SNAPC1: variants seen among roughly 807,000 people sequenced by gnomAD.
SNAPC1 encodes snRNA-activating protein complex subunit 1.
A neutral mutation model predicts 50.1 loss-of-function variants in SNAPC1; 42 were observed. That is an observed-to-expected ratio of 0.84 (90% CI 0.65 to 1.08). SNAPC1 has a LOEUF of 1.08. Ranked by LOEUF, SNAPC1 falls within the 50% of genes least tolerant of loss-of-function variation. The pLI, the probability that SNAPC1 is intolerant of heterozygous loss-of-function variation, is 0.00. For synonymous variants in SNAPC1, 164 were observed against 144.2 expected (o/e 1.14, Z -0.98); for missense variants, 477 against 427.3 (o/e 1.12, Z -1.02).
chr14:61,774,650 T>TTC (rs1177675845), intron 4 of SNAPC1, among the ~76,000 whole-genome samples: 4 of 86,462 alleles, frequency 4.6e-5, no homozygotes, highest in African/African-American at 2.1e-4. Flanking sequence ...AGTTTCTCAT[T>TTC]TTTTTTTTTT....
intron 7 of SNAPC1, 60 bp from the exon 8 acceptor site, chr14:61,782,187 C>A: frequency 7.9e-7 from 1 of 1,262,116 alleles, no homozygotes; most frequent in Non-Finnish European, 1.1e-6. Context: ...GTCTTCCTCT[C>A]AATTTTATCA....
intron 8 of SNAPC1, among the ~76,000 whole-genome samples, chr14:61,782,847 A>G (rs2045086398): frequency 6.6e-6 from 1 of 152,038 alleles, no homozygotes; most frequent in South Asian, 2.1e-4. Flanking sequence ...CAGAGGTTGC[A>G]GTGAGCTGAG....
rs563992113 is a variant in SNAPC1 at position 61,780,227 on chromosome 14, G to A, written c.825+1317G>A. ...GGAGCCTACAGAGAGAATCAGCCAC[G>A]AGGCTCACCATTCCTTATGCAGGTT... On this transcript the variant is annotated intron_variant, in intron 7 of 9. Coordinates refer to ENST00000216294, the MANE Select transcript of SNAPC1 (RefSeq NM_003082.4). Among the ~76,000 whole-genome samples, 7 of 152,252 alleles carry A rather than the reference G, an allele frequency of 4.6e-5. No individual in the cohort carries two copies. The East Asian group carries it at 7.7e-4, about 17-fold the overall frequency.
chr14:61,773,695 C>CTTT (rs58541226), intron 4 of SNAPC1, among the ~76,000 whole-genome samples: 1 of 136,446 alleles, frequency 7.3e-6, no homozygotes, highest in Non-Finnish European at 1.6e-5. Flanking sequence ...CATGCCTGGC[C>CTTT]TTTTTTTTTT....
intron 9 of SNAPC1, among the ~76,000 whole-genome samples, chr14:61,794,055 G>GT (rs1248820140): frequency 6.6e-6 from 1 of 152,154 alleles, no homozygotes; most frequent in Non-Finnish European, 1.5e-5. Flanking sequence ...GGTTCGTGCT[G>GT]TTTCTAGATG....
At chr14:61,780,196 G>A (rs1186736395) in intron 7 of SNAPC1, among the ~76,000 whole-genome samples, 1 of 152,128 alleles carries the variant, frequency 6.6e-6, no homozygotes, top group African/African-American at 2.4e-5. Context: ...AGCTGCCAAT[G>A]TTTTGGGAGC....
intron 7 of SNAPC1, among the ~76,000 whole-genome samples, chr14:61,779,619 G>T (rs188377572): frequency 1.2e-3 from 187 of 150,694 alleles, no homozygotes; most frequent in African/African-American, 4.3e-3. Flanking sequence ...TTCTCTTTAA[G>T]GATATTAACT....
intron 8 of SNAPC1, among the ~76,000 whole-genome samples, chr14:61,783,333 C>T (rs531023524): frequency 6.6e-6 from 1 of 151,598 alleles, no homozygotes; most frequent in Admixed American, 6.6e-5. Flanking sequence ...ACGCGGCCTC[C>T]AGTGCATATT....
At chr14:61,769,080 C>T (rs2044969087) in intron 4 of SNAPC1, among the ~76,000 whole-genome samples, 2 of 152,204 alleles carry the variant, frequency 1.3e-5, no homozygotes, top group Non-Finnish European at 2.9e-5. Flanking sequence ...ATATACATGA[C>T]CAGGCATGGT....
At chr14:61,774,007 C>T (rs1457252481) in intron 4 of SNAPC1, among the ~76,000 whole-genome samples, 1 of 152,076 alleles carries the variant, frequency 6.6e-6, no homozygotes, top group African/African-American at 2.4e-5. Context: ...TCGTGCACGG[C>T]CCCCAGTTTT....
At chr14:61,779,834 G>C (rs944582828) in intron 7 of SNAPC1, among the ~76,000 whole-genome samples, 1 of 150,978 alleles carries the variant, frequency 6.6e-6, no homozygotes, top group Admixed American at 6.7e-5. Flanking sequence ...TCAGCCTCTC[G>C]AGTAGCTGGG....
chr14:61,788,558 C>G (rs2045130590), intron 8 of SNAPC1, among the ~76,000 whole-genome samples: 1 of 152,110 alleles, frequency 6.6e-6, no homozygotes, highest in African/African-American at 2.4e-5. Flanking sequence ...ATAACAAATG[C>G]AGGCAGACAG....
At chr14:61,763,781 G>A (rs1163569369) in intron 1 of SNAPC1, among the ~76,000 whole-genome samples, 2 of 152,158 alleles carry the variant, frequency 1.3e-5, no homozygotes, top group African/African-American at 4.8e-5. Context: ...CCAATTGGCT[G>A]CATTTGATTG....
At chr14:61,771,700 G>A (rs1028563320) in intron 4 of SNAPC1, among the ~76,000 whole-genome samples, 2 of 152,160 alleles carry the variant, frequency 1.3e-5, no homozygotes, top group African/African-American at 2.4e-5. Context: ...GAGAGGTAGC[G>A]AGCAAGGTTC....
chr14:61,767,449 A>T, intron 3 of SNAPC1, 97 bp downstream of exon 3: 4 of 702,786 alleles, frequency 5.7e-6, no homozygotes, highest in Non-Finnish European at 8.4e-6. Flanking sequence ...ATAAGTATTG[A>T]TAGTGTTCAA....
At chr14:61,776,323 T>C in intron 5 of SNAPC1, 70 bp downstream of exon 5, 1 of 1,390,538 alleles carries the variant, frequency 7.2e-7, no homozygotes, top group Non-Finnish European at 1.0e-6. Flanking sequence ...ATGATAATGT[T>C]GGGAGGCAGC....
chr14:61,787,238 A>G (rs2140184817), intron 8 of SNAPC1, among the ~76,000 whole-genome samples: 2 of 152,294 alleles, frequency 1.3e-5, no homozygotes, highest in South Asian at 4.1e-4. Flanking sequence ...ATTTGTCCAA[A>G]CTTCTCTGTA....
intron 4 of SNAPC1, among the ~76,000 whole-genome samples, chr14:61,772,349 A>T (rs1339280474): frequency 6.6e-6 from 1 of 151,976 alleles, no homozygotes; most frequent in Non-Finnish European, 1.5e-5. Flanking sequence ...GGTTCAAGCG[A>T]TTCTCCTGCC....
chr14:61,796,083 C>T lies in SNAPC1; in HGVS notation c.*1100C>T, dbSNP rs1272919722. ...AAAGTTTGGGTTGCATGCCTGTAAT[C>T]CCAGCATTTTGGGAGGCCGAGGTGG... On this transcript the variant is annotated 3_prime_UTR_variant, in exon 10 of 10. Coordinates refer to ENST00000216294, the MANE Select transcript of SNAPC1 (RefSeq NM_003082.4). 1 of 152,204 alleles carries T rather than the reference C, an allele frequency of 6.6e-6. No homozygotes were observed. Among genetic ancestry groups the T allele is most frequent in the Non-Finnish European group, 1.5e-5 (1 of 68,108 alleles). 9.4% of individuals were successfully genotyped at this position (152,204 alleles called of 1,614,324 possible). A position where few individuals can be genotyped will look rare whatever the true frequency, so the allele number is the denominator to read the frequency against.
Sources: gnomAD v4.1 joint callset for allele counts (sites outside exome capture counted in the v4.1 genomes callset) on GRCh38, gnomAD v4.1.1 for gene constraint, MANE v1.5 for transcripts, NCBI Gene and HGNC (gene_info 2026-07-23, HGNC 2026-07-21) for gene names.